UPF3B: variants seen among roughly 807,000 people sequenced by gnomAD.
The protein encoded by UPF3B is regulator of nonsense transcripts 3B.
UPF3B carries 7 observed loss-of-function variants against 40.3 expected under a neutral mutation model. The observed-to-expected ratio is 0.17, with a 90% CI of 0.10 to 0.33. UPF3B has a LOEUF of 0.33. UPF3B is among the 10% of genes least tolerant of loss of function. UPF3B has a pLI of 1.00. For synonymous variants in UPF3B, 117 were observed against 117.3 expected (o/e 1.00, Z 0.01); for missense variants, 229 against 358.9 (o/e 0.64, Z 2.93).
intron 3 of UPF3B, among the ~76,000 whole-genome samples, chrX:119,845,717 C>T (rs1008620846): frequency 1.1e-4 from 12 of 110,517 alleles, no homozygotes; most frequent in Non-Finnish European, 2.1e-4. Context: ...TGGGGTTTCT[C>T]TTAGGGGTGA....
chrX:119,834,483 C>A lies in UPF3B; in HGVS notation c.*395G>T. The stretch of plus-strand genomic sequence containing the variant: ...ATTAGATCGGAACAAGGCTTCAAAG[C>A]GACTCTGCTCCACCCAAATTCAGAA... On this transcript the variant is annotated 3_prime_UTR_variant, in exon 11 of 11. Transcript: ENST00000276201. 2 of 863,162 alleles carry A rather than the reference C, an allele frequency of 2.3e-6. No individual in the cohort carries two copies. The highest frequency in any genetic ancestry group is 5.8e-4 in the Middle Eastern group (1 of 1,738). The allele number at this position is 863,162 out of a possible 1,213,427, so 71.1% of individuals were successfully genotyped here. A position where few individuals can be genotyped will look rare whatever the true frequency, so the allele number is the denominator to read the frequency against.
At chrX:119,841,010 G>A in intron 7 of UPF3B, 66 bp downstream of exon 7, 17 of 1,111,728 alleles carry the variant, frequency 1.5e-5, no homozygotes, top group Non-Finnish European at 2.1e-5. Flanking sequence ...CAAGACGCAT[G>A]CATATTTAAA....
downstream of UPF3B, among the ~76,000 whole-genome samples, chrX:119,832,868 A>T (rs1308205268): frequency 8.9e-6 from 1 of 111,822 alleles, no homozygotes; most frequent in Non-Finnish European, 1.9e-5. Context: ...AGAAAGTTAC[A>T]TCTTAATTTT....
intron 4 of UPF3B, among the ~76,000 whole-genome samples, chrX:119,819,288 G>A (rs2496200): frequency 0.054 from 5,948 of 110,202 alleles, 349 homozygotes; most frequent in African/African-American, 0.18. Context: ...TGCTGACCTC[G>A]TGATCCTCCC....
rs1022664504 is a variant in UPF3B at position 119,824,021 on chromosome X, A to G, written c.393-978T>C. ...AGTGGTCCTCACCCCCACTGCCTAC[A>G]ACACAAGAAAGGAGAGGAAGGGAGC... On this transcript the variant is annotated intron_variant, in intron 3 of 6. Transcript: ENST00000636792. Among the ~76,000 whole-genome samples the G allele has an allele frequency of 2.7e-5, 3 of 111,333 alleles. No individual in the cohort carries two copies. The Admixed American group carries it at 2.9e-4, about 11-fold the overall frequency.
downstream of UPF3B, among the ~76,000 whole-genome samples, chrX:119,831,327 GT>G (rs375364674): frequency 0.053 from 5,257 of 99,489 alleles, 310 homozygotes; most frequent in African/African-American, 0.18. Context: ...TCCTTTTTTT[GT>G]TTTTTTTTTT....
chrX:119,809,449 G>A (rs1394649383), intron 5 of UPF3B, among the ~76,000 whole-genome samples: 1 of 112,152 alleles, frequency 8.9e-6, no homozygotes, highest in Admixed American at 9.5e-5. Context: ...GGCTGGGCAT[G>A]GTGACTCACC....
intron 6 of UPF3B, 46 bp from the exon 7 acceptor site, chrX:119,841,304 C>T: frequency 8.3e-7 from 1 of 1,198,769 alleles, no homozygotes; most frequent in South Asian, 1.8e-5. Context: ...ATAATCATCA[C>T]CAAAACCCTA....
rs1569462153 is a variant in UPF3B, at chrX:119,840,628, C to T, written c.846+18G>A. ...TGACATGATACTAGATGCTCTGTAT[C>T]ATGTACTTGGTCCTTACATTTTTCT... On this transcript the variant is annotated intron_variant, in intron 8 of 10. Transcript: ENST00000276201. The T allele has an allele frequency of 4.2e-5, 50 of 1,202,151 alleles. No homozygotes were observed. Among genetic ancestry groups the T allele is most frequent in the Non-Finnish European group, 5.6e-5 (50 of 887,439 alleles).
chrX:119,837,923 C>T lies in UPF3B; in HGVS notation c.1136G>A (p.Arg379His), dbSNP rs140032597. The T allele has an allele frequency of 9.2e-5, 111 of 1,208,617 alleles. No individual in the cohort carries two copies. Among genetic ancestry groups the T allele is most frequent in the Non-Finnish European group, 1.1e-4 (102 of 895,142 alleles). The change falls in exon 10 of 11, where the codon CGC becomes CAC. Residue 379 changes from arginine (R) to histidine (H), a missense_variant. Physicochemically the swap from Arg to His is conservative, Grantham distance 29 (BLOSUM62 0). Around this residue, in one of 3 missense-constraint regions of UPF3B, gnomAD observed 119 missense variants for 153.8 expected, o/e 0.77. Coordinates refer to ENST00000276201, the MANE Select transcript of UPF3B (RefSeq NM_080632.3). Reference protein sequence around the residue: ...QEEERRRQKERYEKEKTFKRK... With the variant: ...QEEERRRQKEHYEKEKTFKRK... ...CTTAAAAGTCTTCTCTTTCTCATAGCGCTCCTTCTGCCTACGGCGCTCTTC... is the reference window on the plus strand; with the variant it reads ...CTTAAAAGTCTTCTCTTTCTCATAGTGCTCCTTCTGCCTACGGCGCTCTTC...
chrX:119,827,128 T>C (rs1297472724), intron 3 of UPF3B, among the ~76,000 whole-genome samples: 3 of 111,560 alleles, frequency 2.7e-5, no homozygotes, highest in Admixed American at 1.9e-4. Context: ...GGAAAACCAT[T>C]AGGCATCTAC....
chrX:119,844,905 T>C (rs2056209332), intron 4 of UPF3B, among the ~76,000 whole-genome samples: 2 of 112,106 alleles, frequency 1.8e-5, no homozygotes. Flanking sequence ...GCCTGGCCTT[T>C]CCACTATCTT....
intron 3 of UPF3B, among the ~76,000 whole-genome samples, chrX:119,823,368 T>C (rs1186814568): frequency 9.0e-6 from 1 of 110,756 alleles, no homozygotes; most frequent in African/African-American, 3.3e-5. Context: ...CTCAGCTCCC[T>C]AGTAGCTGGG....
At chrX:119,842,605 T>TACACACATACACACAC (rs2056179146) in intron 5 of UPF3B, among the ~76,000 whole-genome samples, 1 of 91,392 alleles carries the variant, frequency 1.1e-5, no homozygotes, top group Non-Finnish European at 2.2e-5. Context: ...CACACACACA[T>TACACACATACACACAC]ACACACACAC....
chrX:119,838,310 T>C (rs1046880772), intron 9 of UPF3B, 57 bp downstream of exon 9: 2 of 1,172,604 alleles, frequency 1.7e-6, no homozygotes, highest in East Asian at 3.0e-5. Context: ...GTCCAGGACA[T>C]AGCAGCAAAA....
chrX:119,838,729 T>C (rs2056130138), intron 8 of UPF3B, among the ~76,000 whole-genome samples: 1 of 111,525 alleles, frequency 9.0e-6, no homozygotes, highest in African/African-American at 3.3e-5. Context: ...TGTTATCCAC[T>C]TGAACGAAGT....
At chrX:119,820,046 T>C (rs1436458153) in intron 4 of UPF3B, among the ~76,000 whole-genome samples, 3 of 111,736 alleles carry the variant, frequency 2.7e-5, no homozygotes, top group African/African-American at 9.7e-5. Flanking sequence ...GGTTTCACCA[T>C]GTTGGCCAGG....
At chrX:119,852,511 C>T (rs1336271894) in intron 1 of UPF3B, among the ~76,000 whole-genome samples, 1 of 112,299 alleles carries the variant, frequency 8.9e-6, no homozygotes, top group Non-Finnish European at 1.9e-5. Flanking sequence ...GTCGCTCTTC[C>T]CTCCCATTAT....
At chrX:119,830,223 T>C (rs1236087299), downstream of UPF3B, among the ~76,000 whole-genome samples, 2 of 111,180 alleles carry the variant, frequency 1.8e-5, no homozygotes, top group African/African-American at 6.5e-5. Context: ...GGGACCAGAA[T>C]AGTTGATGTG....
Sources: allele counts gnomAD v4.1 joint callset (sites outside exome capture counted in the v4.1 genomes callset), GRCh38; gene constraint gnomAD v4.1.1; regional missense constraint gnomAD v4.1.1; transcripts MANE v1.5; gene names NCBI Gene and HGNC (gene_info 2026-07-23, HGNC 2026-07-21).